Variants in HSF5 observed in about 807,000 individuals in gnomAD.
The protein encoded by HSF5 is heat shock factor protein 5.
HSF5 carries 5 observed loss-of-function variants against 50.8 expected under a neutral mutation model. The observed-to-expected ratio is 0.10, with a 90% CI of 0.05 to 0.21. The LOEUF (loss-of-function observed/expected upper bound fraction) is 0.21, where lower values mean the gene tolerates loss of function less well. Ranked by LOEUF, HSF5 falls within the 10% of genes least tolerant of loss-of-function variation. The pLI, the probability that HSF5 is intolerant of heterozygous loss-of-function variation, is 1.00. For synonymous variants in HSF5, 307 were observed against 307.4 expected (o/e 1.00, Z 0.02); for missense variants, 564 against 762.6 (o/e 0.74, Z 3.07).
chr17:58,488,143 C>T lies in HSF5; in HGVS notation c.132G>A (p.Pro44=). The change falls in exon 1 of 6, where the codon CCG becomes CCA. Residue 44 remains proline (P), a synonymous_variant. Coordinates refer to ENST00000323777, the MANE Select transcript of HSF5 (RefSeq NM_001080439.3). This position sits in a 1 kb window ranked among gnomAD's most constrained non-coding sequence, Gnocchi z 4.1. ...GRGEGLLIDQ[P]LFEAELLSPP... ...GGCTGAGCAGCTCGGCCTCGAAGAG[C>T]GGCTGATCGATAAGCAGCCCCTCGC... is the stretch of plus-strand genomic sequence containing the variant. 1 of 1,552,674 alleles carries T rather than the reference C, an allele frequency of 6.4e-7. No individual in the cohort carries two copies.
intron 5 of HSF5, among the ~76,000 whole-genome samples, chr17:58,427,967 G>A (rs1974316277): frequency 6.6e-6 from 1 of 152,218 alleles, no homozygotes; most frequent in Admixed American, 6.5e-5. Context: ...CACGACAGCA[G>A]TCAAAGACAA....
chr17:58,464,057 T>G (rs1274940608), intron 3 of HSF5, among the ~76,000 whole-genome samples: 1 of 151,120 alleles, frequency 6.6e-6, no homozygotes, highest in African/African-American at 2.4e-5. Flanking sequence ...AATAAATGTT[T>G]GCTGATTATA....
At chr17:58,474,057 T>C (rs906572719) in intron 2 of HSF5, among the ~76,000 whole-genome samples, 3 of 152,188 alleles carry the variant, frequency 2.0e-5, no homozygotes, top group African/African-American at 7.2e-5. Context: ...TTGGCCAGGC[T>C]GGTCTGGAAC....
At chr17:58,443,870 G>A (rs1974526389) in intron 5 of HSF5, among the ~76,000 whole-genome samples, 1 of 152,188 alleles carries the variant, frequency 6.6e-6, no homozygotes, top group Non-Finnish European at 1.5e-5. Flanking sequence ...GACATAAAGG[G>A]AACAGTATGG....
intron 2 of HSF5, among the ~76,000 whole-genome samples, chr17:58,470,178 C>A (rs976505687): frequency 2.0e-5 from 3 of 152,102 alleles, no homozygotes; most frequent in Non-Finnish European, 2.9e-5. Flanking sequence ...AGTTTATACC[C>A]CAAAGTGAAA....
chr17:58,451,129 CAGG>C (rs1219604644), intron 5 of HSF5, among the ~76,000 whole-genome samples: 2 of 152,064 alleles, frequency 1.3e-5, no homozygotes, highest in East Asian at 3.8e-4. Context: ...GTTAATACAG[CAGG>C]AGGATATAAA....
At chr17:58,487,257 C>T (rs569370072) in intron 1 of HSF5, among the ~76,000 whole-genome samples, 11 of 152,316 alleles carry the variant, frequency 7.2e-5, no homozygotes, top group African/African-American at 2.6e-4. Flanking sequence ...CGCCTTAACC[C>T]GTAGGGTGAC....
chr17:58,485,126 TA>T (rs1403499479), intron 1 of HSF5, among the ~76,000 whole-genome samples: 3 of 151,828 alleles, frequency 2.0e-5, no homozygotes, highest in African/African-American at 4.8e-5. Context: ...AGCTAATTTT[TA>T]TATTTTTAAT....
chr17:58,469,364 T>A (rs11656888), intron 2 of HSF5, among the ~76,000 whole-genome samples: 33,717 of 152,140 alleles, frequency 0.22, 4,032 homozygotes, highest in South Asian at 0.34. Flanking sequence ...TAACAGAGAA[T>A]ATGTTAATAT....
chr17:58,466,179 T>C (rs1042032845), intron 3 of HSF5, among the ~76,000 whole-genome samples: 2 of 152,176 alleles, frequency 1.3e-5, no homozygotes, highest in African/African-American at 4.8e-5. Flanking sequence ...GAAACACTCC[T>C]GGTCCCAAGC....
intron 5 of HSF5, among the ~76,000 whole-genome samples, chr17:58,444,725 A>G (rs1974537061): frequency 6.6e-6 from 1 of 152,220 alleles, no homozygotes; most frequent in African/African-American, 2.4e-5. Flanking sequence ...AAAACAGCAA[A>G]ATAGACAGAT....
chr17:58,463,626 C>T (rs1974824877), intron 3 of HSF5, among the ~76,000 whole-genome samples: 1 of 152,212 alleles, frequency 6.6e-6, no homozygotes, highest in Non-Finnish European at 1.5e-5. Context: ...ACACCAAATT[C>T]TTCCATAAAG....
rs895189241 is a variant in HSF5 at position 58,476,940 on chromosome 17, C to T, written c.925+2953G>A. 2.7e-5 allele frequency: 20 copies of T among 741,550 alleles called. No homozygotes were observed. In the East Asian group the frequency reaches 3.1e-4, roughly 12 times the overall value. 45.9% of individuals were successfully genotyped at this position (741,550 alleles called of 1,614,324 possible). On this transcript the variant is annotated intron_variant, in intron 2 of 5. Coordinates refer to ENST00000323777, the MANE Select transcript of HSF5 (RefSeq NM_001080439.3). ...AGCTCCTTTTTACTGATTTTGGCAG[C>T]GGACGCCCATGTGGCACGGTTGGGA...
rs1261704044 is a variant in HSF5 at position 58,487,791 on chromosome 17, C to G, written c.484G>C (p.Ala162Pro). 1 of 1,513,078 alleles carries G rather than the reference C, an allele frequency of 6.6e-7. No individual in the cohort carries two copies. Among genetic ancestry groups the G allele is most frequent in the African/African-American group, 1.4e-5 (1 of 70,076 alleles). 93.7% of individuals were successfully genotyped at this position (1,513,078 alleles called of 1,614,324 possible). Residue 162 changes from alanine (A) to proline (P), a missense_variant, in exon 1 of 6, where the codon GCC becomes CCC. By Grantham distance (27) the Ala-to-Pro change is conservative. This residue lies in a region of HSF5 where 441 missense variants were observed against 533.6 expected (regional missense o/e 0.83). Transcript: ENST00000323777. The part of the protein sequence containing the change: ...FQRLLITSAS[A>P]ATAPLQHQQP... The stretch of plus-strand genomic sequence containing the variant: ...TGGTGCTGCAGTGGCGCGGTGGCGG[C>G]GGAGGCCGAGGTGATGAGCAGCCGC...
At chr17:58,459,646 CAAA>C (rs35302270) in intron 4 of HSF5, among the ~76,000 whole-genome samples, 2 of 105,576 alleles carry the variant, frequency 1.9e-5, no homozygotes, top group Non-Finnish European at 1.9e-5. Flanking sequence ...GACTACATCT[CAAA>C]AAAAAAAAAA....
chr17:58,463,885 T>G (rs1396059730), intron 3 of HSF5, among the ~76,000 whole-genome samples: 2 of 152,270 alleles, frequency 1.3e-5, no homozygotes, highest in African/African-American at 4.8e-5. Flanking sequence ...GATTTACATC[T>G]TTAAGATATA....
rs540997194 is a variant in HSF5, at chr17:58,487,984, C to G, written c.291G>C (p.Pro97=). ...CATTGCCTGCCGGTTTGCCGCCCCC[C>G]GGCCCGCCCAGCACCACCTTGCGGA... ...YGFRKVVLGG[P]GGGKPAGNGP... is the part of the protein sequence containing the mutation. Residue 97 remains proline (P), a synonymous_variant, in exon 1 of 6, where the codon CCG becomes CCC. Transcript: ENST00000323777. 6.2e-7 allele frequency: 1 copy of G among 1,610,928 alleles called. No homozygotes were observed. The highest frequency in any genetic ancestry group is 8.5e-7 in the Non-Finnish European group (1 of 1,179,288).
At chr17:58,450,918 G>A (rs549947372) in intron 5 of HSF5, among the ~76,000 whole-genome samples, 7 of 151,282 alleles carry the variant, frequency 4.6e-5, no homozygotes, top group Non-Finnish European at 1.0e-4. Context: ...GTGAAATCCT[G>A]TCTCTACTAA....
intron 1 of HSF5, among the ~76,000 whole-genome samples, chr17:58,485,573 C>G (rs1450523736): frequency 5.3e-5 from 8 of 150,746 alleles, no homozygotes; most frequent in Non-Finnish European, 7.4e-5. Context: ...AGAGTGAAAC[C>G]CTGTATCCAC....
Sources: allele counts gnomAD v4.1 joint callset (sites outside exome capture counted in the v4.1 genomes callset), GRCh38; gene constraint gnomAD v4.1.1; regional missense constraint gnomAD v4.1.1; non-coding constraint Gnocchi (gnomAD v3.1); transcripts MANE v1.5; gene names NCBI Gene and HGNC (gene_info 2026-07-23, HGNC 2026-07-21).